Variants in MSL2 observed in about 807,000 individuals in gnomAD.
The protein encoded by MSL2 is MSL complex subunit 2.
A neutral mutation model predicts 35.8 loss-of-function variants in MSL2; 2 were observed. That is an observed-to-expected ratio of 0.06 (90% confidence interval 0.02 to 0.18). MSL2 has a LOEUF of 0.18. Ranked by LOEUF, MSL2 falls within the 10% of genes least tolerant of loss-of-function variation. The pLI is 1.00. For synonymous variants in MSL2, 296 were observed against 255.7 expected, an observed-to-expected ratio of 1.16 and a Z score of -1.50; for missense variants, 523 against 706.7, an observed-to-expected ratio of 0.74 and a Z score of 2.95.
chr3:136,172,292 C>T (rs139492016), intron 1 of MSL2, among the ~76,000 whole-genome samples: 1 of 152,278 alleles, frequency 6.6e-6, no homozygotes, highest in Non-Finnish European at 1.5e-5. Flanking sequence ...TACACACATA[C>T]AGTACCCTTT....
At chr3:136,165,814 T>G (rs540339385) in intron 1 of MSL2, among the ~76,000 whole-genome samples, 14 of 152,056 alleles carry the variant, frequency 9.2e-5, no homozygotes, top group Non-Finnish European at 1.9e-4. Flanking sequence ...GACCTAGTAT[T>G]TGATAGCATA....
chr3:136,158,948 T>TA (rs1486753321), intron 1 of MSL2, among the ~76,000 whole-genome samples: 1 of 152,142 alleles, frequency 6.6e-6, no homozygotes, highest in Non-Finnish European at 1.5e-5. Context: ...TGAAAGAAAT[T>TA]AAAGAGTATC....
intron 1 of MSL2, among the ~76,000 whole-genome samples, chr3:136,184,646 A>G (rs956921358): frequency 1.3e-5 from 2 of 151,022 alleles, no homozygotes; most frequent in Admixed American, 6.6e-5. Context: ...GGTTCTGAAC[A>G]ACCTCCAGCG....
rs1001924480 is a variant in MSL2, at chr3:136,195,605, G to A, written c.-492C>T. Reference sequence around the variant, plus strand: ...ACTCCATCCCAGTACAGGGCGCGGAGGCGGCGGCGACGGCAAGGACGACGG... The same window carrying A: ...ACTCCATCCCAGTACAGGGCGCGGAAGCGGCGGCGACGGCAAGGACGACGG... On this transcript the variant is annotated 5_prime_UTR_variant, in exon 1 of 2. Transcript: ENST00000309993. 6.9e-5 allele frequency: 68 copies of A among 986,292 alleles called. No homozygotes were observed. The highest frequency in any genetic ancestry group is 7.5e-5 in the Non-Finnish European group (62 of 830,572). The allele number at this position is 986,292 out of a possible 1,614,324, so 61.1% of individuals were successfully genotyped here.
In MSL2 at chr3:136,195,617, G is replaced by T. The variant is rs913579158; in HGVS notation, c.-504C>A. The T allele has an allele frequency of 5.1e-6, 5 of 980,540 alleles. No homozygotes were observed. The highest frequency in any genetic ancestry group is 6.1e-5 in the Admixed American group (1 of 16,274). 60.7% of individuals were successfully genotyped at this position (980,540 alleles called of 1,614,324 possible). On this transcript the variant is annotated 5_prime_UTR_variant, in exon 1 of 2. Coordinates refer to ENST00000309993, the MANE Select transcript of MSL2 (RefSeq NM_018133.4). ...TACAGGGCGCGGAGGCGGCGGCGAC[G>T]GCAAGGACGACGGTCGGGCAGCGGC...
chr3:136,190,617 G>C (rs1940659989), intron 1 of MSL2, among the ~76,000 whole-genome samples: 1 of 151,600 alleles, frequency 6.6e-6, no homozygotes, highest in Admixed American at 6.6e-5. Context: ...TCCAAGAATA[G>C]TATTTTTCCA....
rs139334199 is a variant in MSL2 at position 136,188,442 on chromosome 3, A to G, written c.142+6530T>C. The stretch of plus-strand genomic sequence containing the variant: ...AGCAAGACTCCATCTGGAAGAAGAA[A>G]AAAAAAAAAAAAAAGTCCACTAACA... On this transcript the variant is annotated intron_variant, in intron 1 of 1. Transcript: ENST00000309993. Among the ~76,000 whole-genome samples the G allele has an allele frequency of 4.9e-3, 745 of 151,312 alleles. 7 individuals carry two copies. Among genetic ancestry groups the G allele is most frequent in the African/African-American group, 0.017 (694 of 41,262 alleles).
At chr3:136,166,195 T>A (rs1176217078) in intron 1 of MSL2, among the ~76,000 whole-genome samples, 1 of 151,294 alleles carries the variant, frequency 6.6e-6, no homozygotes, top group Non-Finnish European at 1.5e-5. Flanking sequence ...TCAAGACCAG[T>A]CTGGACAACA....
chr3:136,195,646 C>G lies in MSL2; in HGVS notation c.-533G>C. On this transcript the variant is annotated 5_prime_UTR_variant, in exon 1 of 2. Coordinates refer to ENST00000309993, the MANE Select transcript of MSL2 (RefSeq NM_018133.4). The stretch of plus-strand genomic sequence containing the variant: ...AGGACGACGGTCGGGCAGCGGCTTC[C>G]CGGATCTAGTGCAAGACGCCGCGGC... The G allele has an allele frequency of 2.0e-6, 2 of 980,424 alleles. No individual in the cohort carries two copies. Among genetic ancestry groups the G allele is most frequent in the Non-Finnish European group, 2.4e-6 (2 of 825,202 alleles). The allele number at this position is 980,424 out of a possible 1,614,324, so 60.7% of individuals were successfully genotyped here. A position where few individuals can be genotyped will look rare whatever the true frequency, so the allele number is the denominator to read the frequency against.
Position 136,152,316 on chromosome 3 carries a change from A to G in MSL2, c.565T>C (p.Ser189Pro). ...TAAGTAGGCAAACCATTGATAACAGAACTGCCAATAGCAATGCTGAGGGTG... is the reference window on the plus strand; with the variant it reads ...TAAGTAGGCAAACCATTGATAACAGGACTGCCAATAGCAATGCTGAGGGTG... Reference protein sequence around the residue: ...ESTLSIAIGSSVINGLPTYNG... With the variant: ...ESTLSIAIGSPVINGLPTYNG... Residue 189 changes from serine to proline, a missense_variant, in exon 2 of 2, where the codon TCT becomes CCT. Transcript: ENST00000309993. 6.2e-7 allele frequency: 1 copy of G among 1,614,078 alleles called. No individual in the cohort carries two copies. The highest frequency in any genetic ancestry group is 1.1e-5 in the South Asian group (1 of 91,080).
intron 1 of MSL2, among the ~76,000 whole-genome samples, chr3:136,164,426 C>G (rs1247133562): frequency 1.3e-5 from 2 of 152,210 alleles, no homozygotes; most frequent in Non-Finnish European, 2.9e-5. Flanking sequence ...CCACAAATAT[C>G]TGAAACTTAA....
intron 1 of MSL2, among the ~76,000 whole-genome samples, chr3:136,164,684 A>G (rs77059117): frequency 3.3e-5 from 5 of 149,740 alleles, no homozygotes; most frequent in Non-Finnish European, 7.4e-5. Context: ...AATTTGTTGG[A>G]AAAAAAAATG....
chr3:136,186,967 T>C (rs1348661606), intron 1 of MSL2, among the ~76,000 whole-genome samples: 2 of 152,184 alleles, frequency 1.3e-5, no homozygotes, highest in Admixed American at 6.5e-5. Context: ...GTTGTTATAC[T>C]GTAATGCTTA....
At chr3:136,157,006 C>T (rs2108063002) in intron 1 of MSL2, among the ~76,000 whole-genome samples, 1 of 152,290 alleles carries the variant, frequency 6.6e-6, no homozygotes, top group South Asian at 2.1e-4. Flanking sequence ...TTAAAACACA[C>T]TGTATATATG....
intron 1 of MSL2, among the ~76,000 whole-genome samples, chr3:136,187,491 T>C (rs1240174228): frequency 2.6e-5 from 4 of 151,742 alleles, no homozygotes; most frequent in Non-Finnish European, 4.4e-5. Flanking sequence ...GGTGAAACCC[T>C]GTCTCTACTA....
intron 1 of MSL2, among the ~76,000 whole-genome samples, chr3:136,177,890 A>T (rs1264923778): frequency 6.6e-6 from 1 of 152,188 alleles, no homozygotes; most frequent in African/African-American, 2.4e-5. Flanking sequence ...TAAAAATATA[A>T]ATGTCACTCA....
chr3:136,180,632 G>A lies in MSL2; in HGVS notation c.142+14340C>T, dbSNP rs140767512. ...GGAGAATTGCTGGAACCCGGGAGGC[G>A]GAGGTTGTAGTGAGCCAAGATCGCA... On this transcript the variant is annotated intron_variant, in intron 1 of 1. Coordinates refer to ENST00000309993, the MANE Select transcript of MSL2 (RefSeq NM_018133.4). Among the ~76,000 whole-genome samples the A allele has an allele frequency of 8.0e-3, 1,212 of 150,852 alleles. 23 individuals are homozygous for A. Among genetic ancestry groups the A allele is most frequent in the African/African-American group, 0.028 (1,142 of 40,954 alleles).
At chr3:136,159,033 T>C (rs896396498) in intron 1 of MSL2, among the ~76,000 whole-genome samples, 7 of 152,214 alleles carry the variant, frequency 4.6e-5, no homozygotes, top group African/African-American at 1.7e-4. Flanking sequence ...AATTGATGTG[T>C]CTGTAAGTTC....
At chr3:136,188,136 C>T (rs1036871992) in intron 1 of MSL2, among the ~76,000 whole-genome samples, 1 of 152,086 alleles carries the variant, frequency 6.6e-6, no homozygotes, top group African/African-American at 2.4e-5. Context: ...TCAGGCCTTA[C>T]TTAAAAATGT....
Sources: gnomAD v4.1 joint callset for allele counts (sites outside exome capture counted in the v4.1 genomes callset) on GRCh38, gnomAD v4.1.1 for gene constraint, MANE v1.5 for transcripts, NCBI Gene and HGNC (gene_info 2026-07-23, HGNC 2026-07-21) for gene names.